Variants in PPP2R5A observed in about 807,000 individuals in gnomAD.
PPP2R5A encodes serine/threonine-protein phosphatase 2A 56 kDa regulatory subunit alpha isoform.
A neutral mutation model predicts 64.2 loss-of-function variants in PPP2R5A; 25 were observed. The ratio of observed to expected loss-of-function variants is 0.39; its 90% CI spans 0.28 to 0.54. The LOEUF is 0.54. Among genes scored for constraint, PPP2R5A ranks in the 20% least tolerant of loss-of-function variants. The probability of loss-of-function intolerance (pLI) is 0.67; values close to 1 mark genes in which losing one functional copy is unlikely to be tolerated. For synonymous variants in PPP2R5A, 198 were observed against 201.2 expected, an observed-to-expected ratio of 0.98 and a Z score of 0.13; for missense variants, 425 against 576.3, an observed-to-expected ratio of 0.74 and a Z score of 2.69.
At chr1:212,338,004 G>A (rs930123826) in intron 3 of PPP2R5A, among the ~76,000 whole-genome samples, 2 of 152,134 alleles carry the variant, frequency 1.3e-5, no homozygotes, top group African/African-American at 4.8e-5. Context: ...TTGGTCACCT[G>A]TATTACTTGA....
At chr1:212,341,125 T>C (rs766568817) in intron 3 of PPP2R5A, among the ~76,000 whole-genome samples, 2 of 152,224 alleles carry the variant, frequency 1.3e-5, no homozygotes, top group African/African-American at 2.4e-5. Context: ...TAGTCATATT[T>C]GCCTTTCTCC....
intron 4 of PPP2R5A, 88 bp from the exon 5 acceptor site, chr1:212,345,715 A>T: frequency 7.1e-7 from 1 of 1,410,790 alleles, no homozygotes; most frequent in Non-Finnish European, 9.6e-7. Flanking sequence ...TTTTTAAAAG[A>T]TGTCATGGAT....
chr1:212,340,448 A>G (rs926136115), intron 3 of PPP2R5A, among the ~76,000 whole-genome samples: 13 of 152,198 alleles, frequency 8.5e-5, no homozygotes, highest in African/African-American at 2.4e-4. Flanking sequence ...GAAAATAGGC[A>G]CTGAATGAAT....
intron 1 of PPP2R5A, among the ~76,000 whole-genome samples, chr1:212,307,517 C>T (rs1185919484): frequency 6.6e-6 from 1 of 152,132 alleles, no homozygotes; most frequent in Non-Finnish European, 1.5e-5. Flanking sequence ...TTTCCTCCCA[C>T]CTCCTCCTTT....
At chr1:212,287,684 A>G (rs1361874785) in intron 1 of PPP2R5A, among the ~76,000 whole-genome samples, 7 of 148,490 alleles carry the variant, frequency 4.7e-5, no homozygotes, top group Admixed American at 3.4e-4. Flanking sequence ...ATGGTAGACT[A>G]TAATGATAGG....
intron 1 of PPP2R5A, among the ~76,000 whole-genome samples, chr1:212,296,654 C>T (rs978649467): frequency 3.2e-4 from 49 of 152,174 alleles, no homozygotes; most frequent in Non-Finnish European, 4.4e-5. Flanking sequence ...TGCTTTTTGT[C>T]TTTAGACTAT....
intron 6 of PPP2R5A, among the ~76,000 whole-genome samples, 156 bp downstream of exon 6, chr1:212,347,562 G>A (rs541622503): frequency 2.0e-5 from 3 of 149,118 alleles, no homozygotes; most frequent in South Asian, 4.2e-4. Context: ...TTTTTGAGAC[G>A]GAGTTTCGCT....
intron 12 of PPP2R5A, 87 bp from the exon 13 acceptor site, chr1:212,360,551 A>C: frequency 8.6e-7 from 1 of 1,164,402 alleles, no homozygotes. Flanking sequence ...GTGGGTAAGT[A>C]ATGTGTTCTC....
At chr1:212,354,512 C>T (rs1158695126) in intron 8 of PPP2R5A, among the ~76,000 whole-genome samples, 1 of 151,654 alleles carries the variant, frequency 6.6e-6, no homozygotes, top group African/African-American at 2.4e-5. Context: ...GACCTCGTTT[C>T]TACAAAAAGT....
At chr1:212,326,457 C>T (rs528101576) in intron 1 of PPP2R5A, among the ~76,000 whole-genome samples, 16 of 151,806 alleles carry the variant, frequency 1.1e-4, no homozygotes, top group South Asian at 2.1e-4. Context: ...ATTAGCTGGG[C>T]GTGGTGGTGC....
chr1:212,293,785 T>C (rs536882503), intron 1 of PPP2R5A, among the ~76,000 whole-genome samples: 1 of 152,258 alleles, frequency 6.6e-6, no homozygotes, highest in East Asian at 1.9e-4. Flanking sequence ...ATGGTGATGC[T>C]AATTGCCGCT....
chr1:212,287,615 C>T (rs1658526991), intron 1 of PPP2R5A, among the ~76,000 whole-genome samples: 1 of 152,108 alleles, frequency 6.6e-6, no homozygotes, highest in Non-Finnish European at 1.5e-5. Flanking sequence ...TCTGTGCTAT[C>T]GAATTTATCA....
intron 3 of PPP2R5A, among the ~76,000 whole-genome samples, chr1:212,334,753 A>T (rs779836520): frequency 6.6e-5 from 10 of 152,172 alleles, no homozygotes; most frequent in Non-Finnish European, 1.0e-4. Flanking sequence ...CAAGTTAGCC[A>T]TTAATCTTAT....
chr1:212,311,425 C>T (rs1307093894), intron 1 of PPP2R5A, among the ~76,000 whole-genome samples: 2 of 151,364 alleles, frequency 1.3e-5, no homozygotes, highest in South Asian at 4.2e-4. Flanking sequence ...ATGATCGTGC[C>T]ACTGCACTCC....
Position 212,324,603 on chromosome 1 carries a change from A to AT in PPP2R5A, c.182-4516dup, listed in dbSNP as rs112302137. On this transcript the variant is annotated intron_variant, in intron 1 of 12. Transcript: ENST00000261461. Reference sequence around the variant, plus strand: ...TTGATAAAAATGGTCATTATGATTAATTTTTTTTTTTTTTTTGAGACAGAG... The same window carrying AT: ...TTGATAAAAATGGTCATTATGATTAATTTTTTTTTTTTTTTTTGAGACAGAG... 3.7e-3 allele frequency among the ~76,000 whole-genome samples: 526 copies of AT among 143,424 alleles called. 4 individuals are homozygous for AT. The highest frequency in any genetic ancestry group is 0.011 in the Middle Eastern group (3 of 278). The allele number at this position is 143,424 out of a possible 152,430, so 94.1% of individuals were successfully genotyped here. A position where few individuals can be genotyped will look rare whatever the true frequency, so the allele number is the denominator to read the frequency against.
At chr1:212,340,064 C>T (rs1026883388) in intron 3 of PPP2R5A, among the ~76,000 whole-genome samples, 4 of 145,324 alleles carry the variant, frequency 2.8e-5, no homozygotes, top group African/African-American at 1.0e-4. Context: ...GATGCTGAGG[C>T]GGGTGCATAG....
At chr1:212,286,416 G>A in intron 1 of PPP2R5A, 125 bp downstream of exon 1, 2 of 1,090,088 alleles carry the variant, frequency 1.8e-6, no homozygotes, top group Non-Finnish European at 2.4e-6. Flanking sequence ...TGTGAGCCGA[G>A]TTCCCCACAA....
intron 6 of PPP2R5A, among the ~76,000 whole-genome samples, chr1:212,347,683 G>A (rs1398160687): frequency 6.6e-6 from 1 of 151,934 alleles, no homozygotes; most frequent in Non-Finnish European, 1.5e-5. Flanking sequence ...GGGATTACAG[G>A]TGCCTGCCAC....
intron 4 of PPP2R5A, among the ~76,000 whole-genome samples, chr1:212,344,300 G>A (rs570334509): frequency 2.6e-5 from 4 of 152,142 alleles, no homozygotes; most frequent in Non-Finnish European, 5.9e-5. Context: ...ATAATTTGAT[G>A]TGAACTTATT....
Sources: gnomAD v4.1 joint callset for allele counts (sites outside exome capture counted in the v4.1 genomes callset) on GRCh38, gnomAD v4.1.1 for gene constraint, MANE v1.5 for transcripts, NCBI Gene and HGNC (gene_info 2026-07-23, HGNC 2026-07-21) for gene names.